Variants in OSBPL6 observed in about 807,000 individuals in gnomAD.
The protein encoded by OSBPL6 is oxysterol-binding protein-related protein 6.
In OSBPL6, 49 loss-of-function variants were observed where a neutral mutation model predicts 125.8. The observed-to-expected ratio is 0.39, with a 90% CI of 0.31 to 0.49. The LOEUF (loss-of-function observed/expected upper bound fraction) is 0.49, where lower values mean the gene tolerates loss of function less well. Among genes scored for constraint, OSBPL6 ranks in the 20% least tolerant of loss-of-function variants. The probability of loss-of-function intolerance (pLI) is 0.88; values close to 1 mark genes in which losing one functional copy is unlikely to be tolerated. For synonymous variants in OSBPL6, 394 were observed against 391.8 expected (o/e 1.01, Z -0.07); for missense variants, 986 against 1,135.4 (o/e 0.87, Z 1.89).
intron 9 of OSBPL6, 37 bp from the exon 10 acceptor site, chr2:178,338,954 C>G: frequency 6.7e-7 from 1 of 1,493,110 alleles, no homozygotes; most frequent in East Asian, 2.3e-5. Context: ...GCTCCCTACC[C>G]AATTTTAACG....
chr2:178,374,439 G>A (rs938463412), intron 15 of OSBPL6, among the ~76,000 whole-genome samples: 3 of 152,190 alleles, frequency 2.0e-5, no homozygotes, highest in African/African-American at 7.2e-5. Flanking sequence ...TTTTGCTAGG[G>A]ACATGAATTT....
chr2:178,338,771 T>C (rs1271780964), intron 9 of OSBPL6, among the ~76,000 whole-genome samples: 1 of 152,218 alleles, frequency 6.6e-6, no homozygotes, highest in Non-Finnish European at 1.5e-5. Context: ...GTTTCTGCAC[T>C]AATAGCTATT....
upstream of OSBPL6, among the ~76,000 whole-genome samples, chr2:178,194,132 G>C (rs1329549252): frequency 6.6e-6 from 1 of 152,210 alleles, no homozygotes; most frequent in East Asian, 1.9e-4. Flanking sequence ...ACCTCCGCCG[G>C]ACTGCGCGGG....
Position 178,320,527 on chromosome 2 carries a change from C to A in OSBPL6, c.103-3650C>A. 5.1e-6 allele frequency: 5 copies of A among 986,026 alleles called. No individual in the cohort carries two copies. In the South Asian group the frequency reaches 8.0e-5, roughly 16 times the overall value. 61.1% of individuals were successfully genotyped at this position (986,026 alleles called of 1,614,324 possible). A position where few individuals can be genotyped will look rare whatever the true frequency, so the allele number is the denominator to read the frequency against. Reference sequence around the variant, plus strand: ...AAGAATAATTAACTGGTTTACATAACCCTTTATTTAACTTGCTTACATAAT... The same window carrying A: ...AAGAATAATTAACTGGTTTACATAAACCTTTATTTAACTTGCTTACATAAT... On this transcript the variant is annotated intron_variant, in intron 3 of 24. Coordinates refer to ENST00000190611, the MANE Select transcript of OSBPL6 (RefSeq NM_032523.4).
chr2:178,231,201 AGG>A (rs2090801998), intron 1 of OSBPL6, among the ~76,000 whole-genome samples: 1 of 152,174 alleles, frequency 6.6e-6, no homozygotes, highest in African/African-American at 2.4e-5. Flanking sequence ...TGATTTACTT[AGG>A]GCCCTCCGGT....
chr2:178,239,045 C>T (rs895364384), intron 1 of OSBPL6, among the ~76,000 whole-genome samples: 2 of 152,162 alleles, frequency 1.3e-5, no homozygotes, highest in South Asian at 2.1e-4. Flanking sequence ...TATATTTCAA[C>T]ATTTTCAAAA....
At position 178,336,434 on chromosome 2, in the gene OSBPL6, G is replaced by T; in HGVS notation, c.790+1G>T. 6.2e-7 allele frequency: 1 copy of T among 1,613,582 alleles called. No homozygotes were observed. ...GAAGAGATGGACAGGTGTGCAGAAGGTTAGTTCTTGCCCAGTGTGGCCTGA... is the reference window on the plus strand; with the variant it reads ...GAAGAGATGGACAGGTGTGCAGAAGTTTAGTTCTTGCCCAGTGTGGCCTGA... On this transcript the variant is annotated splice_donor_variant, in intron 9 of 24. Coordinates refer to ENST00000190611, the MANE Select transcript of OSBPL6 (RefSeq NM_032523.4). LOFTEE classifies it high-confidence loss of function.
chr2:178,308,636 T>G (rs1686996869), intron 3 of OSBPL6, among the ~76,000 whole-genome samples: 1 of 152,172 alleles, frequency 6.6e-6, no homozygotes, highest in South Asian at 2.1e-4. Context: ...GGTACCACTG[T>G]GTCTTAAATC....
chr2:178,357,726 G>A lies in OSBPL6; in HGVS notation c.1154-3956G>A, dbSNP rs138825639. On this transcript the variant is annotated intron_variant, in intron 12 of 24. Transcript: ENST00000190611. ...AAATACCATTTGACCTAGCAATCCC[G>A]TTACTGGGTATATACCCAAAGGATT... Among the ~76,000 whole-genome samples, 943 of 152,178 alleles carry A rather than the reference G, an allele frequency of 6.2e-3. 12 individuals are homozygous for A. The highest frequency in any genetic ancestry group is 0.019 in the South Asian group (93 of 4,810).
intron 12 of OSBPL6, among the ~76,000 whole-genome samples, chr2:178,353,080 C>T (rs1438794692): frequency 6.6e-6 from 1 of 152,158 alleles, no homozygotes; most frequent in Non-Finnish European, 1.5e-5. Flanking sequence ...CACCAAAACC[C>T]CATTTGTAGG....
Position 178,385,473 on chromosome 2 carries a change from C to A in OSBPL6, c.2029C>A (p.Pro677Thr), listed in dbSNP as rs1223695170. The change falls in exon 19 of 25, where the codon CCC becomes ACC. Residue 677 changes from proline (P) to threonine (T), a missense_variant. Transcript: ENST00000190611. ...TAATTACCAGGTTAGCCATCATCCA[C>A]CCATTTCTGCCTGTCACTGTGAATC... Reference protein sequence around the residue: ...FFSEQVSHHPPISACHCESKN... With the variant: ...FFSEQVSHHPTISACHCESKN... The A allele has an allele frequency of 1.2e-6, 2 of 1,611,320 alleles. No homozygotes were observed. The highest frequency in any genetic ancestry group is 1.7e-6 in the Non-Finnish European group (2 of 1,178,092).
At chr2:178,243,706 T>G (rs752781448) in intron 1 of OSBPL6, among the ~76,000 whole-genome samples, 1 of 152,168 alleles carries the variant, frequency 6.6e-6, no homozygotes. Context: ...CAGGCTGGAG[T>G]GCAATGGCTC....
intron 13 of OSBPL6, among the ~76,000 whole-genome samples, chr2:178,363,661 C>T (rs1249589225): frequency 6.6e-6 from 1 of 152,176 alleles, no homozygotes; most frequent in African/African-American, 2.4e-5. Flanking sequence ...CTGATGCTAA[C>T]ATGATAAAAG....
At chr2:178,242,035 T>C (rs191196051) in intron 1 of OSBPL6, among the ~76,000 whole-genome samples, 10 of 152,304 alleles carry the variant, frequency 6.6e-5, no homozygotes, top group Admixed American at 2.6e-4. Context: ...CCTAGATTTG[T>C]GTAAGTGCAC....
At chr2:178,289,117 A>G (rs1685000616) in intron 2 of OSBPL6, among the ~76,000 whole-genome samples, 1 of 143,874 alleles carries the variant, frequency 7.0e-6, no homozygotes, top group Admixed American at 7.2e-5. Flanking sequence ...TTCTGGGCTT[A>G]AGCGATTCTC....
intron 1 of OSBPL6, among the ~76,000 whole-genome samples, chr2:178,254,588 C>G (rs941164342): frequency 6.6e-6 from 1 of 152,094 alleles, no homozygotes. Context: ...TCAAATTTAG[C>G]TAGATGTCCT....
chr2:178,196,906 C>T (rs939415015), intron 1 of OSBPL6, among the ~76,000 whole-genome samples: 3 of 152,060 alleles, frequency 2.0e-5, no homozygotes, highest in Non-Finnish European at 4.4e-5. Context: ...TTTTTCCTCA[C>T]TCAATATTAT....
intron 3 of OSBPL6, among the ~76,000 whole-genome samples, chr2:178,308,805 G>C (rs976344931): frequency 1.4e-5 from 2 of 146,368 alleles, no homozygotes; most frequent in Admixed American, 7.0e-5. Flanking sequence ...TATTCCCACT[G>C]TCAGCTCCCT....
Position 178,331,621 on chromosome 2 carries a change from G to C in OSBPL6, c.372+16G>C, listed in dbSNP as rs1689203762. ...ACCACTCGATGTAAGTAGCACACAG[G>C]ACATGTTTCAAAGGTTGATTTCGAA... On this transcript the variant is annotated intron_variant, in intron 6 of 24. Transcript: ENST00000190611. 1.2e-6 allele frequency: 2 copies of C among 1,613,284 alleles called. No homozygotes were observed. The highest frequency in any genetic ancestry group is 2.7e-5 in the African/African-American group (2 of 74,884).
Sources: allele counts gnomAD v4.1 joint callset (sites outside exome capture counted in the v4.1 genomes callset), GRCh38; gene constraint gnomAD v4.1.1; transcripts MANE v1.5; gene names NCBI Gene and HGNC (gene_info 2026-07-23, HGNC 2026-07-21).